Variants in NHS observed in about 807,000 individuals in gnomAD.
The protein encoded by NHS is NHS actin remodeling regulator.
In NHS, 5 loss-of-function variants were observed where a neutral mutation model predicts 72.5. The ratio of observed to expected loss-of-function variants is 0.07; its 90% CI spans 0.04 to 0.14. NHS has a LOEUF of 0.14. Ranked by LOEUF, NHS falls within the 10% of genes least tolerant of loss-of-function variation. The probability of loss-of-function intolerance (pLI) is 1.00; values close to 1 mark genes in which losing one functional copy is unlikely to be tolerated. For missense variants in NHS, 1,072 were observed against 1,355.7 expected (o/e 0.79, Z 3.29); for synonymous variants, 464 against 547.7 (o/e 0.85, Z 2.13).
At position 17,720,556 on chromosome X, in the gene NHS, T is replaced by C. The variant is rs749727620; in HGVS notation, c.916-885T>C. On this transcript the variant is annotated intron_variant, in intron 4 of 8. Coordinates refer to ENST00000676302, the MANE Select transcript of NHS (RefSeq NM_001291867.2). ...AGAAACCCAACCCTGAAATCAAAAC[T>C]GGGATGGAGCTTTTTAAATAATCTG... Among the ~76,000 whole-genome samples, 6 of 112,393 alleles carry C rather than the reference T, an allele frequency of 5.3e-5. No homozygotes were observed. In the South Asian group the frequency reaches 1.8e-3, roughly 34 times the overall value.
At chrX:17,466,134 C>T (rs779470417) in intron 1 of NHS, among the ~76,000 whole-genome samples, 9 of 113,074 alleles carry the variant, frequency 8.0e-5, no homozygotes, top group African/African-American at 2.9e-4. Context: ...AAAGTTTTGC[C>T]CTCCTGCCCT....
At chrX:17,695,626 C>T (rs962481460) in intron 3 of NHS, among the ~76,000 whole-genome samples, 5 of 111,034 alleles carry the variant, frequency 4.5e-5, no homozygotes, top group Admixed American at 9.6e-5. Flanking sequence ...CTAAGGGTGC[C>T]GTGGGATATT....
intron 1 of NHS, among the ~76,000 whole-genome samples, chrX:17,640,361 A>T (rs1435156760): frequency 1.8e-5 from 2 of 111,579 alleles, no homozygotes; most frequent in African/African-American, 6.5e-5. Flanking sequence ...TGTGGCTATA[A>T]CTCATTGATC....
chrX:17,512,542 T>C lies in NHS; in HGVS notation c.565+136220T>C, dbSNP rs1183391103. Among the ~76,000 whole-genome samples, 4 of 111,853 alleles carry C rather than the reference T, an allele frequency of 3.6e-5. No homozygotes were observed. The Admixed American group carries it at 3.8e-4, about 11-fold the overall frequency. ...AAGGTGAACTGAGGTAGCTGGTCGA[T>C]GTTCAAGGTGTGTGTATGTGTGTGC... On this transcript the variant is annotated intron_variant, in intron 1 of 8. Coordinates refer to ENST00000676302, the MANE Select transcript of NHS (RefSeq NM_001291867.2).
intron 1 of NHS, among the ~76,000 whole-genome samples, chrX:17,410,916 G>A (rs757055184): frequency 9.0e-6 from 1 of 111,647 alleles, no homozygotes; most frequent in African/African-American, 3.3e-5. Flanking sequence ...ACACCATATT[G>A]TCTTTGTGTG....
At chrX:17,564,633 C>G (rs1381489760) in intron 1 of NHS, among the ~76,000 whole-genome samples, 2 of 112,634 alleles carry the variant, frequency 1.8e-5, no homozygotes, top group Admixed American at 1.9e-4. Context: ...GCTCCATTCT[C>G]TAACAGCTCT....
chrX:17,697,097 T>G (rs1421131846), intron 3 of NHS, among the ~76,000 whole-genome samples: 1 of 111,060 alleles, frequency 9.0e-6, no homozygotes, highest in Admixed American at 9.6e-5. Flanking sequence ...TATGCATATT[T>G]TACAGGAGCA....
chrX:17,732,620 C>T lies in NHS; in HGVS notation c.*156C>T, dbSNP rs1316959643. The stretch of plus-strand genomic sequence containing the variant: ...CTAAATACAGTATGTGCTGGGTAAA[C>T]AGAAAGTGGTTTAGACATTCTTGAT... On this transcript the variant is annotated 3_prime_UTR_variant, in exon 9 of 9. Coordinates refer to ENST00000676302, the MANE Select transcript of NHS (RefSeq NM_001291867.2). The T allele has an allele frequency of 9.9e-6, 8 of 810,138 alleles. No homozygotes were observed. In the Admixed American group the frequency reaches 2.1e-4, roughly 21 times the overall value. 66.8% of individuals were successfully genotyped at this position (810,138 alleles called of 1,213,427 possible).
At chrX:17,426,437 G>A (rs2064657796) in intron 1 of NHS, among the ~76,000 whole-genome samples, 1 of 111,805 alleles carries the variant, frequency 8.9e-6, no homozygotes. Flanking sequence ...CATGAGATGG[G>A]TTGTGTGACA....
At chrX:17,384,964 G>T (rs771007081) in intron 1 of NHS, among the ~76,000 whole-genome samples, 15 of 111,845 alleles carry the variant, frequency 1.3e-4, no homozygotes, top group African/African-American at 4.9e-4. Flanking sequence ...CTTGCATCAA[G>T]AATTCTTCAT....
intron 1 of NHS, among the ~76,000 whole-genome samples, chrX:17,546,410 A>G (rs1208406920): frequency 1.8e-5 from 2 of 112,156 alleles, no homozygotes; most frequent in East Asian, 2.8e-4. Context: ...AAACTGAGAG[A>G]CAATAACTTA....
intron 1 of NHS, among the ~76,000 whole-genome samples, chrX:17,594,317 A>C (rs1159348690): frequency 8.9e-5 from 10 of 112,026 alleles, no homozygotes; most frequent in African/African-American, 3.2e-4. Flanking sequence ...GAAGTGAGGA[A>C]GGGGGTCACT....
chrX:17,379,513 G>A (rs1384960957), intron 1 of NHS, among the ~76,000 whole-genome samples: 5 of 112,375 alleles, frequency 4.4e-5, no homozygotes, highest in African/African-American at 1.6e-4. Context: ...GGTGGCTCAC[G>A]CCTGTAATCC....
At chrX:17,594,160 C>T (rs1439513096) in intron 1 of NHS, among the ~76,000 whole-genome samples, 1 of 111,874 alleles carries the variant, frequency 8.9e-6, no homozygotes, top group African/African-American at 3.3e-5. Context: ...AATCTATGTT[C>T]AGAAAAGTTG....
chrX:17,695,873 G>T (rs1040893673), intron 3 of NHS, among the ~76,000 whole-genome samples: 5 of 99,998 alleles, frequency 5.0e-5, no homozygotes, highest in African/African-American at 1.8e-4. Context: ...GCCCATCTAA[G>T]AGTCCTTACT....
At chrX:17,666,408 A>G (rs1353290003) in intron 1 of NHS, among the ~76,000 whole-genome samples, 1 of 107,486 alleles carries the variant, frequency 9.3e-6, no homozygotes, top group Non-Finnish European at 1.9e-5. Flanking sequence ...CCAAGTAGGG[A>G]AAGGCCTCTG....
At chrX:17,655,994 G>GA (rs1326929675) in intron 1 of NHS, among the ~76,000 whole-genome samples, 5 of 77 alleles carry the variant, frequency 0.065, no homozygotes, top group East Asian at 0.45. Flanking sequence ...TAAGATAAAA[G>GA]GAAAAGGAAG....
intron 1 of NHS, among the ~76,000 whole-genome samples, chrX:17,540,961 A>G (rs1283673664): frequency 8.9e-6 from 1 of 111,871 alleles, no homozygotes; most frequent in Non-Finnish European, 1.9e-5. Context: ...AGTCTCAGCT[A>G]CTTGGGAGGC....
intron 1 of NHS, among the ~76,000 whole-genome samples, chrX:17,444,185 G>C (rs1341636658): frequency 8.9e-6 from 1 of 111,855 alleles, no homozygotes; most frequent in Non-Finnish European, 1.9e-5. Context: ...CTCATTGTGT[G>C]CAAGCAGGCA....
Sources: gnomAD v4.1 joint callset for allele counts (sites outside exome capture counted in the v4.1 genomes callset) on GRCh38, gnomAD v4.1.1 for gene constraint, MANE v1.5 for transcripts, NCBI Gene and HGNC (gene_info 2026-07-23, HGNC 2026-07-21) for gene names.